SMYD3: variants seen among roughly 807,000 people sequenced by gnomAD.
The protein encoded by SMYD3 is histone-lysine N-methyltransferase SMYD3.
SMYD3 carries 36 observed loss-of-function variants against 57.7 expected under a neutral mutation model. That is an observed-to-expected ratio of 0.62 (90% CI 0.48 to 0.82). SMYD3 has a LOEUF of 0.82. Among genes scored for constraint, SMYD3 ranks in the 40% least tolerant of loss-of-function variants. SMYD3 has a pLI of 0.00. For missense variants in SMYD3, 515 were observed against 538.8 expected, an observed-to-expected ratio of 0.96 and a Z score of 0.44; for synonymous variants, 211 against 195.0, an observed-to-expected ratio of 1.08 and a Z score of -0.68.
chr1:245,929,434 G>T (rs1381234210), intron 6 of SMYD3, among the ~76,000 whole-genome samples: 1 of 152,204 alleles, frequency 6.6e-6, no homozygotes, highest in Non-Finnish European at 1.5e-5. Flanking sequence ...CAAAGCCTGA[G>T]AGTTTTCTTG....
intron 5 of SMYD3, among the ~76,000 whole-genome samples, chr1:246,070,290 G>A (rs1189218818): frequency 6.6e-6 from 1 of 152,144 alleles, no homozygotes; most frequent in African/African-American, 2.4e-5. Flanking sequence ...TGCCACAAGT[G>A]AGTTTAATTC....
intron 5 of SMYD3, among the ~76,000 whole-genome samples, chr1:246,036,720 A>ATTTGTT (rs2059781464): frequency 9.0e-6 from 1 of 110,532 alleles, no homozygotes; most frequent in African/African-American, 3.9e-5. Flanking sequence ...AGCCCGGCTA[A>ATTTGTT]TTTTTTTTTT....
At chr1:246,497,250 T>C (rs2068377980) in intron 1 of SMYD3, among the ~76,000 whole-genome samples, 1 of 152,260 alleles carries the variant, frequency 6.6e-6, no homozygotes. Flanking sequence ...AACATGGTCA[T>C]CATCAATAAG....
chr1:246,139,099 G>C (rs902821856), intron 5 of SMYD3, among the ~76,000 whole-genome samples: 7 of 152,188 alleles, frequency 4.6e-5, no homozygotes, highest in African/African-American at 1.7e-4. Flanking sequence ...TCAATAAGGA[G>C]TAATGGCGAA....
At chr1:246,166,913 G>A (rs1044728971) in intron 5 of SMYD3, among the ~76,000 whole-genome samples, 5 of 152,098 alleles carry the variant, frequency 3.3e-5, no homozygotes, top group African/African-American at 7.2e-5. Context: ...AGGAAAACTC[G>A]ATACCCACTG....
chr1:246,101,450 C>A (rs2061014637), intron 5 of SMYD3, among the ~76,000 whole-genome samples: 1 of 152,160 alleles, frequency 6.6e-6, no homozygotes, highest in Non-Finnish European at 1.5e-5. Context: ...CAATCCCCAT[C>A]CACATCTTTC....
At chr1:246,467,540 G>A (rs368818180) in intron 1 of SMYD3, among the ~76,000 whole-genome samples, 38 of 152,144 alleles carry the variant, frequency 2.5e-4, no homozygotes, top group African/African-American at 8.9e-4. Context: ...ACTAAGGATC[G>A]TAATATTATG....
At chr1:245,773,507 T>C (rs1248056097) in intron 10 of SMYD3, among the ~76,000 whole-genome samples, 2 of 152,218 alleles carry the variant, frequency 1.3e-5, no homozygotes, top group Non-Finnish European at 2.9e-5. Context: ...CCTCAGGGGC[T>C]GTGTGGATGG....
At chr1:246,458,613 A>ATTTT (rs74163446) in intron 1 of SMYD3, among the ~76,000 whole-genome samples, 23 of 46,866 alleles carry the variant, frequency 4.9e-4, no homozygotes, top group South Asian at 1.3e-3. Flanking sequence ...CGCCTGGCTG[A>ATTTT]TTTTTTTTTT....
intron 5 of SMYD3, among the ~76,000 whole-genome samples, chr1:246,099,589 T>C (rs955466722): frequency 3.3e-5 from 5 of 152,148 alleles, no homozygotes; most frequent in African/African-American, 1.2e-4. Flanking sequence ...AATTCCAACA[T>C]TATGATGTCA....
At chr1:246,476,969 A>G (rs756272799) in intron 1 of SMYD3, among the ~76,000 whole-genome samples, 7 of 152,218 alleles carry the variant, frequency 4.6e-5, no homozygotes, top group Non-Finnish European at 8.8e-5. Flanking sequence ...CAACTTTTTA[A>G]AGGAGGGATT....
intron 8 of SMYD3, among the ~76,000 whole-genome samples, chr1:245,891,661 C>G (rs1348206197): frequency 6.6e-6 from 1 of 152,210 alleles, no homozygotes; most frequent in East Asian, 1.9e-4. Flanking sequence ...GATATGCCCC[C>G]TAAGTCTGGA....
intron 5 of SMYD3, among the ~76,000 whole-genome samples, chr1:246,228,670 G>T (rs1164025631): frequency 6.6e-6 from 1 of 152,100 alleles, no homozygotes; most frequent in East Asian, 1.9e-4. Context: ...GGTTCCTTTG[G>T]TTAAGAAGTT....
intron 5 of SMYD3, among the ~76,000 whole-genome samples, chr1:246,273,166 G>T (rs957798845): frequency 2.5e-4 from 14 of 55,052 alleles, no homozygotes; most frequent in African/African-American, 1.2e-3. Flanking sequence ...TTTTTTGGGG[G>T]GGGGACAGAG....
chr1:245,863,274 C>A (rs1221310130), intron 9 of SMYD3, among the ~76,000 whole-genome samples: 2 of 152,222 alleles, frequency 1.3e-5, no homozygotes, highest in African/African-American at 4.8e-5. Context: ...TCCCAGATGA[C>A]CTTCATCCTA....
intron 5 of SMYD3, among the ~76,000 whole-genome samples, chr1:246,152,614 A>G (rs1293245505): frequency 1.3e-5 from 2 of 152,340 alleles, no homozygotes; most frequent in African/African-American, 4.8e-5. Flanking sequence ...AGAGCAGACA[A>G]ACAATTTCAT....
At chr1:246,145,832 T>C (rs536672014) in intron 5 of SMYD3, among the ~76,000 whole-genome samples, 2 of 152,204 alleles carry the variant, frequency 1.3e-5, no homozygotes, top group African/African-American at 2.4e-5. Flanking sequence ...TATTATTGAA[T>C]TAGTGACAAT....
At chr1:246,392,196 C>T (rs939071591) in intron 1 of SMYD3, among the ~76,000 whole-genome samples, 22 of 151,872 alleles carry the variant, frequency 1.4e-4, no homozygotes, top group Admixed American at 1.1e-3. Context: ...GAAGGATAAA[C>T]GAACAAATGA....
At chr1:245,768,631 T>C (rs116014843) in intron 10 of SMYD3, among the ~76,000 whole-genome samples, 7 of 152,356 alleles carry the variant, frequency 4.6e-5, no homozygotes, top group East Asian at 1.9e-4. Context: ...GTGGTAGTGT[T>C]TGGAGGTCCG....
Sources: allele counts gnomAD v4.1 joint callset (sites outside exome capture counted in the v4.1 genomes callset), GRCh38; gene constraint gnomAD v4.1.1; transcripts MANE v1.5; gene names NCBI Gene and HGNC (gene_info 2026-07-23, HGNC 2026-07-21).